The following AOX1 variants were observed in gnomAD, a reference collection of about 807,000 sequenced individuals.
AOX1 encodes aldehyde oxidase.
A neutral mutation model predicts 169.5 loss-of-function variants in AOX1; 153 were observed. The ratio of observed to expected loss-of-function variants is 0.90; its 90% CI spans 0.79 to 1.03. The LOEUF is 1.03. Among genes scored for constraint, AOX1 ranks in the 50% least tolerant of loss-of-function variants. The pLI is 0.00. For missense variants in AOX1, 1,656 were observed against 1,663.9 expected, an observed-to-expected ratio of 1.00 and a Z score of 0.08; for synonymous variants, 562 against 581.9, an observed-to-expected ratio of 0.97 and a Z score of 0.49.
At chr2:200,655,349 G>A (rs950320003) in intron 26 of AOX1, among the ~76,000 whole-genome samples, 25 of 152,172 alleles carry the variant, frequency 1.6e-4, no homozygotes, top group Non-Finnish European at 3.2e-4. Flanking sequence ...TGGCCCCCAG[G>A]CAGCCAGCCC....
At chr2:200,659,771 G>A (rs1474127201) in intron 28 of AOX1, among the ~76,000 whole-genome samples, 7 of 145,042 alleles carry the variant, frequency 4.8e-5, no homozygotes, top group African/African-American at 1.8e-4. Context: ...TGGCTTACAA[G>A]GCCAGTTCTC....
chr2:200,646,579 G>C (rs1487843801), intron 25 of AOX1, among the ~76,000 whole-genome samples: 1 of 152,082 alleles, frequency 6.6e-6, no homozygotes, highest in East Asian at 1.9e-4. Context: ...TAGTCCATTT[G>C]TTCCAAGGTA....
Position 200,664,161 on chromosome 2 carries a change from G to A in AOX1, c.3543+1192G>A, listed in dbSNP as rs918575089. The stretch of plus-strand genomic sequence containing the variant: ...TGTTTTTGAGACAGAATTTCACTCT[G>A]TCACCCAGGCTGGAGTACAGTGGCT... On this transcript the variant is annotated intron_variant, in intron 31 of 34. Coordinates refer to ENST00000374700, the MANE Select transcript of AOX1 (RefSeq NM_001159.4). Among the ~76,000 whole-genome samples the A allele has an allele frequency of 2.0e-5, 3 of 152,194 alleles. No homozygotes were observed. The South Asian group carries it at 6.2e-4, about 31-fold the overall frequency.
downstream of AOX1, among the ~76,000 whole-genome samples, chr2:200,679,081 A>C (rs1019344427): frequency 6.6e-6 from 1 of 152,242 alleles, no homozygotes; most frequent in African/African-American, 2.4e-5. Context: ...GTTTGGAAAG[A>C]AAAATGGCTT....
chr2:200,600,864 C>T (rs2034399798), intron 5 of AOX1, among the ~76,000 whole-genome samples: 1 of 151,930 alleles, frequency 6.6e-6, no homozygotes, highest in Non-Finnish European at 1.5e-5. Flanking sequence ...TGGGACCCAC[C>T]CCTAGAGAGT....
At chr2:200,590,770 C>T (rs1574902739) in intron 1 of AOX1, among the ~76,000 whole-genome samples, 1 of 152,178 alleles carries the variant, frequency 6.6e-6, no homozygotes. Flanking sequence ...CCTGTCTATC[C>T]ATTAAAACGG....
Position 200,651,039 on chromosome 2 carries a change from G to T in AOX1, c.2913G>T (p.Lys971Asn). ...CCTACAAACAAGAGATCAATGCCAA[G>T]AACCTAATCCAGTGTTGGAGAGAAT... ...QTPYKQEINA[K>N]NLIQCWRECM... The change falls in exon 26 of 35, where the codon AAG becomes AAT. Residue 971 changes from lysine to asparagine, a missense_variant. Physicochemically the swap from Lys to Asn is moderately conservative, Grantham distance 94. Coordinates refer to ENST00000374700, the MANE Select transcript of AOX1 (RefSeq NM_001159.4). The T allele has an allele frequency of 1.2e-6, 2 of 1,614,220 alleles. No individual in the cohort carries two copies. The highest frequency in any genetic ancestry group is 4.5e-5 in the East Asian group (2 of 44,890).
chr2:200,653,368 A>T lies in AOX1; in HGVS notation c.3075+2167A>T, dbSNP rs189310220. 6.6e-5 allele frequency among the ~76,000 whole-genome samples: 10 copies of T among 152,356 alleles called. No homozygotes were observed. The East Asian group carries it at 1.9e-3, about 29-fold the overall frequency. ...CTCCATTCTGAAACAAACTAAATAG[A>T]GGAGGAAACTAGACATGATATTTGA... On this transcript the variant is annotated intron_variant, in intron 26 of 34. Coordinates refer to ENST00000374700, the MANE Select transcript of AOX1 (RefSeq NM_001159.4).
intron 30 of AOX1, 68 bp downstream of exon 30, chr2:200,661,699 C>T: frequency 7.5e-7 from 1 of 1,333,098 alleles, no homozygotes; most frequent in Non-Finnish European, 1.1e-6. Context: ...GTTTCAGTTC[C>T]CTTGCAATTT....
Position 200,670,898 on chromosome 2 carries a change from T to C in AOX1, c.*219T>C. ...AAATCATTTTCAATGTTATAAACAC[T>C]AATTGGTTTCCTCTAGGGTGATATC... On this transcript the variant is annotated 3_prime_UTR_variant, in exon 35 of 35. Coordinates refer to ENST00000374700, the MANE Select transcript of AOX1 (RefSeq NM_001159.4). 2.1e-6 allele frequency: 1 copy of C among 485,410 alleles called. No homozygotes were observed. Among genetic ancestry groups the C allele is most frequent in the Non-Finnish European group, 3.7e-6 (1 of 273,176 alleles). The allele number at this position is 485,410 out of a possible 1,614,324, so 30.1% of individuals were successfully genotyped here. A position where few individuals can be genotyped will look rare whatever the true frequency, so the allele number is the denominator to read the frequency against.
At chr2:200,645,222 C>T (rs972186922) in intron 25 of AOX1, among the ~76,000 whole-genome samples, 1 of 152,056 alleles carries the variant, frequency 6.6e-6, no homozygotes, top group African/African-American at 2.4e-5. Flanking sequence ...TCATAGATGG[C>T]TTTTATTACA....
chr2:200,633,024 G>A (rs953294667), intron 20 of AOX1, among the ~76,000 whole-genome samples: 2 of 151,850 alleles, frequency 1.3e-5, no homozygotes, highest in African/African-American at 2.4e-5. Flanking sequence ...AGCCTCCTGA[G>A]TAGCTGGGAT....
chr2:200,647,773 G>A (rs1016377077), intron 25 of AOX1, among the ~76,000 whole-genome samples: 1 of 152,112 alleles, frequency 6.6e-6, no homozygotes, highest in Non-Finnish European at 1.5e-5. Context: ...TGGAGATTTT[G>A]TTCCTATTTT....
chr2:200,656,956 C>T lies in AOX1; in HGVS notation c.3171+19C>T, dbSNP rs1161697067. ...GATTCAGGTAAGAATGCAAATAACTCGATTGAGTTGGGTGTGTGCTTATAG... is the reference window on the plus strand; with the variant it reads ...GATTCAGGTAAGAATGCAAATAACTTGATTGAGTTGGGTGTGTGCTTATAG... On this transcript the variant is annotated intron_variant, in intron 27 of 34. Transcript: ENST00000374700. 6 of 1,500,198 alleles carry T rather than the reference C, an allele frequency of 4.0e-6. No individual in the cohort carries two copies. Among genetic ancestry groups the T allele is most frequent in the South Asian group, 3.9e-5 (3 of 76,160 alleles). The allele number at this position is 1,500,198 out of a possible 1,614,324, so 92.9% of individuals were successfully genotyped here.
chr2:200,662,549 T>A (rs1345182910), intron 30 of AOX1, among the ~76,000 whole-genome samples: 1 of 152,106 alleles, frequency 6.6e-6, no homozygotes, highest in Non-Finnish European at 1.5e-5. Flanking sequence ...GTTCCCCAAA[T>A]CTGATGATCC....
intron 18 of AOX1, 46 bp from the exon 19 acceptor site, chr2:200,623,815 C>A (rs1310652589): frequency 6.2e-7 from 1 of 1,611,380 alleles, no homozygotes; most frequent in South Asian, 1.1e-5. Context: ...AAAGAGAGGA[C>A]CTGATGCCTG....
In AOX1 at chr2:200,666,703, T is replaced by C; in HGVS notation, c.3560T>C (p.Ile1187Thr). The C allele has an allele frequency of 6.2e-7, 1 of 1,610,016 alleles. No individual in the cohort carries two copies. The highest frequency in any genetic ancestry group is 8.5e-7 in the Non-Finnish European group (1 of 1,178,776). Residue 1187 changes from isoleucine to threonine, a missense_variant, in exon 32 of 35, where the codon ATT becomes ACT. Ile to Thr is a moderately conservative substitution (Grantham distance 89). Coordinates refer to ENST00000374700, the MANE Select transcript of AOX1 (RefSeq NM_001159.4). ...TAATACTAGAACATCAGAACAGACA[T>C]TGTCATGGATGTTGGCTGCAGTATA... ...TGDHKNIRTD[I>T]VMDVGCSINP...
chr2:200,637,085 C>T, intron 22 of AOX1, 41 bp downstream of exon 22: 1 of 1,609,672 alleles, frequency 6.2e-7, no homozygotes, highest in Non-Finnish European at 8.5e-7. Flanking sequence ...TGAAGTCACA[C>T]TGAAAGTTCT....
chr2:200,657,246 A>G (rs1158813955), intron 27 of AOX1, among the ~76,000 whole-genome samples: 1 of 133,096 alleles, frequency 7.5e-6, no homozygotes, highest in Non-Finnish European at 1.6e-5. Flanking sequence ...TTTCCCACCT[A>G]CTTGGGAGGC....
Sources: allele counts gnomAD v4.1 joint callset (sites outside exome capture counted in the v4.1 genomes callset), GRCh38; gene constraint gnomAD v4.1.1; transcripts MANE v1.5; gene names NCBI Gene and HGNC (gene_info 2026-07-23, HGNC 2026-07-21).